UNC80: variants seen among roughly 807,000 people sequenced by gnomAD.
UNC80 encodes protein unc-80 homolog.
A neutral mutation model predicts 384.6 loss-of-function variants in UNC80; 164 were observed. The ratio of observed to expected loss-of-function variants is 0.43; its 90% CI spans 0.38 to 0.49. The LOEUF (loss-of-function observed/expected upper bound fraction) is 0.49. Among genes scored for constraint, UNC80 ranks in the 20% least tolerant of loss-of-function variants. The pLI is 0.00. For missense variants in UNC80, 3,330 were observed against 4,143.0 expected (o/e 0.80, Z 5.39); for synonymous variants, 1,486 against 1,527.8 (o/e 0.97, Z 0.64).
chr2:209,864,033 T>TTCTTGATGATGA (rs2083530677), intron 22 of UNC80, among the ~76,000 whole-genome samples: 1 of 110,530 alleles, frequency 9.0e-6, no homozygotes, highest in African/African-American at 4.9e-5. Flanking sequence ...GGCTTTTGTG[T>TTCTTGATGATGA]TGTTGTTGAT....
intron 22 of UNC80, among the ~76,000 whole-genome samples, chr2:209,852,881 G>A (rs2082630842): frequency 6.6e-6 from 1 of 151,968 alleles, no homozygotes; most frequent in Admixed American, 6.6e-5. Flanking sequence ...TATGTTTTAC[G>A]TGTTTTTCAA....
Position 209,997,139 on chromosome 2 carries a change from C to T in UNC80, c.*1544C>T, listed in dbSNP as rs1259164202. The T allele has an allele frequency of 6.6e-6, 1 of 151,994 alleles. No individual in the cohort carries two copies. The highest frequency in any genetic ancestry group is 1.5e-5 in the Non-Finnish European group (1 of 67,988). The allele number at this position is 151,994 out of a possible 1,614,324, so 9.4% of individuals were successfully genotyped here. A position where few individuals can be genotyped will look rare whatever the true frequency, so the allele number is the denominator to read the frequency against. On this transcript the variant is annotated 3_prime_UTR_variant, in exon 65 of 65. Transcript: ENST00000673920. ...CTGTGGTTTATAATTTCAAATATAA[C>T]TTGGGGTTATGGTCCTATTCACTAA... is the stretch of plus-strand genomic sequence containing the variant.
At chr2:209,808,048 T>C (rs2079020458) in intron 7 of UNC80, among the ~76,000 whole-genome samples, 1 of 152,228 alleles carries the variant, frequency 6.6e-6, no homozygotes, top group Non-Finnish European at 1.5e-5. Flanking sequence ...CACAGCCTTA[T>C]GTTGTTGGAG....
intron 35 of UNC80, 130 bp downstream of exon 35, chr2:209,922,513 A>G: frequency 8.5e-7 from 1 of 1,180,520 alleles, no homozygotes; most frequent in African/African-American, 1.5e-5. Context: ...GACATTCTAA[A>G]AAAAATTAGC....
intron 47 of UNC80, among the ~76,000 whole-genome samples, chr2:209,946,653 C>T (rs1005162275): frequency 2.0e-5 from 3 of 152,150 alleles, no homozygotes; most frequent in Non-Finnish European, 4.4e-5. Flanking sequence ...GAATATCAAT[C>T]TTGCCTTCAT....
chr2:209,881,964 C>CTTTT (rs34822717), intron 25 of UNC80, among the ~76,000 whole-genome samples: 118 of 131,184 alleles, frequency 9.0e-4, no homozygotes, highest in African/African-American at 3.1e-3. Context: ...ACCTCTCCTT[C>CTTTT]TTTTTTTTTT....
chr2:209,819,807 A>G (rs544300789), intron 12 of UNC80, among the ~76,000 whole-genome samples: 27 of 152,352 alleles, frequency 1.8e-4, no homozygotes, highest in African/African-American at 5.5e-4. Flanking sequence ...TACAATATTA[A>G]AACCAATAAA....
chr2:209,971,097 T>A (rs1215039421), intron 54 of UNC80, 140 bp downstream of exon 54: 1 of 1,220,110 alleles, frequency 8.2e-7, no homozygotes, highest in African/African-American at 1.5e-5. Flanking sequence ...TTTATAGATT[T>A]GGAGCTTCAG....
chr2:209,780,535 C>T (rs985296420), intron 4 of UNC80, among the ~76,000 whole-genome samples: 1 of 152,118 alleles, frequency 6.6e-6, no homozygotes, highest in Non-Finnish European at 1.5e-5. Flanking sequence ...GCACTGTTGG[C>T]ATTTGGGGCC....
chr2:209,823,548 G>C (rs921024039), intron 13 of UNC80, among the ~76,000 whole-genome samples: 1 of 151,964 alleles, frequency 6.6e-6, no homozygotes, highest in Non-Finnish European at 1.5e-5. Flanking sequence ...ACCATTCAGA[G>C]GGTTCATCTT....
chr2:209,858,897 C>A (rs1049302202), intron 22 of UNC80, among the ~76,000 whole-genome samples: 12 of 151,652 alleles, frequency 7.9e-5, no homozygotes, highest in African/African-American at 2.9e-4. Flanking sequence ...GTTTCAATTT[C>A]ATGCCTCCTT....
At position 209,972,181 on chromosome 2, in the gene UNC80, C is replaced by A. The variant is rs1263334093; in HGVS notation, c.8257-20C>A. 6.5e-7 allele frequency: 1 copy of A among 1,547,736 alleles called. No individual in the cohort carries two copies. The highest frequency in any genetic ancestry group is 2.5e-5 in the East Asian group (1 of 40,806). ...GGGTGTGGTGGTCAATTAATCTTTT[C>A]TTCTATTATTGCTGCACAGGCTTTA... is the stretch of plus-strand genomic sequence containing the variant. On this transcript the variant is annotated intron_variant, in intron 54 of 64. Transcript: ENST00000673920.
At position 209,976,312 on chromosome 2, in the gene UNC80, T is replaced by C. The variant is rs1196516915; in HGVS notation, c.8772+9T>C. ...CTTTCATCCAGTGCAAGGTGTGGTG[T>C]GTGCTTCTCCTCCTGAAAGTGGCAA... is the stretch of plus-strand genomic sequence containing the variant. On this transcript the variant is annotated intron_variant, in intron 57 of 64. Transcript: ENST00000673920. This position sits in a 1 kb window ranked among gnomAD's most constrained non-coding sequence, Gnocchi z 4.3. 1.0e-5 allele frequency: 16 copies of C among 1,551,624 alleles called. No individual in the cohort carries two copies. In the East Asian group the frequency reaches 3.9e-4, roughly 38 times the overall value.
intron 35 of UNC80, among the ~76,000 whole-genome samples, chr2:209,926,393 G>A (rs755948475): frequency 3.3e-5 from 5 of 152,180 alleles, no homozygotes; most frequent in Non-Finnish European, 1.5e-5. Context: ...TTTGTGTAAC[G>A]TAATCTTTTT....
intron 22 of UNC80, among the ~76,000 whole-genome samples, chr2:209,867,680 T>C (rs2083951927): frequency 6.6e-6 from 1 of 152,040 alleles, no homozygotes; most frequent in Admixed American, 6.6e-5. Flanking sequence ...AACTTTTAAC[T>C]TGTGGCCCAT....
intron 5 of UNC80, among the ~76,000 whole-genome samples, chr2:209,788,533 T>C (rs1410927856): frequency 6.8e-6 from 1 of 148,040 alleles, no homozygotes; most frequent in East Asian, 1.9e-4. Flanking sequence ...TACTACATAC[T>C]AGTATATATA....
At position 209,893,450 on chromosome 2, in the gene UNC80, A is replaced by G. The variant is rs140287549; in HGVS notation, c.4277-713A>G. On this transcript the variant is annotated intron_variant, in intron 26 of 64. Coordinates refer to ENST00000673920, the MANE Select transcript of UNC80 (RefSeq NM_001371986.1). ...CCGTTTATTTTCCTCACTGATTACT[A>G]TTTCTTCCAGAACACTAAAGATGAA... 1.9e-4 allele frequency among the ~76,000 whole-genome samples: 29 copies of G among 152,200 alleles called. No homozygotes were observed. In the East Asian group the frequency reaches 5.4e-3, roughly 28 times the overall value.
In UNC80 at chr2:209,776,042, C is replaced by T. The variant is rs2076840832; in HGVS notation, c.295C>T (p.Leu99=). The T allele has an allele frequency of 6.2e-7, 1 of 1,614,090 alleles. No individual in the cohort carries two copies. The change falls in exon 3 of 65, where the codon CTA becomes TTA. Residue 99 remains leucine, a synonymous_variant. Transcript: ENST00000673920. The part of the protein sequence containing the change: ...TATLLSNRNK[L]GHQDKLGVAE... ...AACCCTGCTTTCAAACCGAAACAAG[C>T]TAGGTTGGTGCCCCGCATTACTTCT...
chr2:209,996,639 A>G lies in UNC80; in HGVS notation c.*1044A>G, dbSNP rs920121072. 6 of 152,372 alleles carry G rather than the reference A, an allele frequency of 3.9e-5. No homozygotes were observed. Among genetic ancestry groups the G allele is most frequent in the African/African-American group, 1.4e-4 (6 of 41,594 alleles). 9.4% of individuals were successfully genotyped at this position (152,372 alleles called of 1,614,324 possible). On this transcript the variant is annotated 3_prime_UTR_variant, in exon 65 of 65. Coordinates refer to ENST00000673920, the MANE Select transcript of UNC80 (RefSeq NM_001371986.1). ...TGTATAAAGTAAGCAATTTCTTCATAGACACCTCCAGTTTATATATTTTGC... is the reference window on the plus strand; with the variant it reads ...TGTATAAAGTAAGCAATTTCTTCATGGACACCTCCAGTTTATATATTTTGC...
Sources: allele counts gnomAD v4.1 joint callset (sites outside exome capture counted in the v4.1 genomes callset), GRCh38; gene constraint gnomAD v4.1.1; non-coding constraint Gnocchi (gnomAD v3.1); transcripts MANE v1.5; gene names NCBI Gene and HGNC (gene_info 2026-07-23, HGNC 2026-07-21).